Variants in CHDH observed in about 807,000 individuals in gnomAD.
CHDH encodes choline dehydrogenase, mitochondrial.
CHDH carries 43 observed loss-of-function variants against 56.9 expected under a neutral mutation model. The observed-to-expected ratio is 0.76, with a 90% CI of 0.59 to 0.97. CHDH has a LOEUF of 0.97. Ranked by LOEUF, CHDH falls within the 50% of genes least tolerant of loss-of-function variation. CHDH has a pLI of 0.00. For synonymous variants in CHDH, 364 were observed against 348.5 expected, an observed-to-expected ratio of 1.04 and a Z score of -0.50; for missense variants, 816 against 821.1, an observed-to-expected ratio of 0.99 and a Z score of 0.08.
chr3:53,836,250 C>A (rs950954218), intron 2 of CHDH, among the ~76,000 whole-genome samples: 6 of 152,162 alleles, frequency 3.9e-5, no homozygotes, highest in African/African-American at 1.4e-4. Flanking sequence ...TCATGCCACC[C>A]CCAACCCAGG....
Position 53,818,948 on chromosome 3 carries a change from G to C in CHDH, c.1356C>G (p.Tyr452Ter), listed in dbSNP as rs1227078784. ...PQDHPVIQPN[Y>*]LSTETDIEDF... ...AGGTGGGTGAAGTACCTGTTGACAA[G>C]TAGTTGGGCTGGATCACAGGGTGGT... The change falls in exon 8 of 9, where the codon TAC (tyrosine) becomes TAG (stop). Residue 452 changes from tyrosine (Y) to a stop codon, truncating the protein, a stop_gained. Transcript: ENST00000315251. LOFTEE classifies it high-confidence loss of function. 6.2e-7 allele frequency: 1 copy of C among 1,609,516 alleles called. No individual in the cohort carries two copies. Among genetic ancestry groups the C allele is most frequent in the African/African-American group, 1.3e-5 (1 of 74,848 alleles).
At chr3:53,841,534 C>G (rs934362445) in intron 1 of CHDH, among the ~76,000 whole-genome samples, 7 of 152,196 alleles carry the variant, frequency 4.6e-5, no homozygotes, top group African/African-American at 1.7e-4. Context: ...CCCTGCTGGT[C>G]AAAGCACCTT....
chr3:53,823,414 G>A lies in CHDH; in HGVS notation c.595C>T (p.His199Tyr). 2 of 1,594,812 alleles carry A rather than the reference G, an allele frequency of 1.3e-6. No individual in the cohort carries two copies. The highest frequency in any genetic ancestry group is 4.6e-5 in the East Asian group (2 of 43,596). The change falls in exon 3 of 9, where the codon CAC becomes TAC. Residue 199 changes from histidine to tyrosine, a missense_variant. Transcript: ENST00000315251. ...TGCGTGGCCTCCAGGAATGCGCAGTGCAGCGGGTGGTTGGTCTTGCCCCGG... is the reference window on the plus strand; with the variant it reads ...TGCGTGGCCTCCAGGAATGCGCAGTACAGCGGGTGGTTGGTCTTGCCCCGG... The part of the protein sequence containing the change: ...VSRGKTNHPL[H>Y]CAFLEATQQA...
At chr3:53,825,070 GAGA>G (rs1351256372) in intron 2 of CHDH, among the ~76,000 whole-genome samples, 1 of 152,174 alleles carries the variant, frequency 6.6e-6, no homozygotes, top group African/African-American at 2.4e-5. Context: ...CTGGAACACT[GAGA>G]AGAACTCTTC....
chr3:53,823,257 G>T (rs552634339), intron 3 of CHDH, 49 bp downstream of exon 3: 2 of 1,427,022 alleles, frequency 1.4e-6, no homozygotes, highest in African/African-American at 1.5e-5. Flanking sequence ...ATGGGTGGGG[G>T]CTGGGGTAGG....
At chr3:53,823,065 A>G (rs1216816030) in intron 3 of CHDH, among the ~76,000 whole-genome samples, 6 of 152,156 alleles carry the variant, frequency 3.9e-5, no homozygotes, top group Middle Eastern at 3.4e-3. Flanking sequence ...TCTGTTATCC[A>G]CACCAACAGG....
chr3:53,816,228 G>A lies in CHDH; in HGVS notation c.*1549C>T, dbSNP rs1576771331. 6.9e-6 allele frequency: 1 copy of A among 145,518 alleles called. No homozygotes were observed. The highest frequency in any genetic ancestry group is 2.5e-5 in the African/African-American group (1 of 39,364). 9.0% of individuals were successfully genotyped at this position (145,518 alleles called of 1,614,324 possible). Reference sequence around the variant, plus strand: ...CAATTTCCTCCCGTCCTTATTCTGGGCCTAGTATAGCTGCAGGTTTCCACG... The same window carrying A: ...CAATTTCCTCCCGTCCTTATTCTGGACCTAGTATAGCTGCAGGTTTCCACG... On this transcript the variant is annotated 3_prime_UTR_variant, in exon 9 of 9. Transcript: ENST00000315251.
rs1365732034 is a variant in CHDH at position 53,813,404 on chromosome 3, G to A, written c.*4373C>T. The A allele has an allele frequency of 6.6e-6, 1 of 152,232 alleles. No homozygotes were observed. The highest frequency in any genetic ancestry group is 1.5e-5 in the Non-Finnish European group (1 of 68,044). The allele number at this position is 152,232 out of a possible 1,614,324, so 9.4% of individuals were successfully genotyped here. On this transcript the variant is annotated 3_prime_UTR_variant, in exon 9 of 9. Coordinates refer to ENST00000315251, the MANE Select transcript of CHDH (RefSeq NM_018397.5). ...ACAGGGCAGGTACTGTGCCAGGGCA[G>A]CTCTGAAATTATGGATATTCTTATC...
Position 53,823,936 on chromosome 3 carries a change from G to A in CHDH, c.73C>T (p.Leu25=). The stretch of plus-strand genomic sequence containing the variant: ...GCGCTGGCCAGGGCCCGGGCACCCA[G>A]GGATTGCTGCTGCCCCAGGGCTCCC... The part of the protein sequence containing the change: ...ARGALGQQQS[L]GARALASAGS... Residue 25 remains leucine, a synonymous_variant, in exon 3 of 9, where the codon CTG becomes TTG. Coordinates refer to ENST00000315251, the MANE Select transcript of CHDH (RefSeq NM_018397.5). The A allele has an allele frequency of 6.5e-7, 1 of 1,539,884 alleles. No homozygotes were observed. The highest frequency in any genetic ancestry group is 8.7e-7 in the Non-Finnish European group (1 of 1,150,788).
At position 53,823,700 on chromosome 3, in the gene CHDH, G is replaced by A; in HGVS notation, c.309C>T (p.Tyr103=). ...GCACCTCTGTGTGGTAGCACCAGTT[G>A]TACCTGTCGTCGCACAGGTTGGCCA... ...ALVANLCDDR[Y]NWCYHTEVQR... Residue 103 remains tyrosine (Y), a synonymous_variant, in exon 3 of 9, where the codon TAC becomes TAT. Transcript: ENST00000315251. The A allele has an allele frequency of 1.3e-6, 2 of 1,549,982 alleles. No homozygotes were observed. Among genetic ancestry groups the A allele is most frequent in the Non-Finnish European group, 1.7e-6 (2 of 1,147,750 alleles).
chr3:53,830,056 G>A (rs561105490), intron 2 of CHDH, among the ~76,000 whole-genome samples: 1 of 152,184 alleles, frequency 6.6e-6, no homozygotes, highest in East Asian at 1.9e-4. Context: ...CCTATATACT[G>A]AAAACTACAA....
chr3:53,834,615 A>G (rs1190257661), intron 2 of CHDH, among the ~76,000 whole-genome samples: 1 of 152,262 alleles, frequency 6.6e-6, no homozygotes, highest in Non-Finnish European at 1.5e-5. Flanking sequence ...CAAAAGGATC[A>G]TGCCCAGAAG....
intron 2 of CHDH, among the ~76,000 whole-genome samples, chr3:53,838,216 C>T (rs948720747): frequency 6.6e-6 from 1 of 152,196 alleles, no homozygotes; most frequent in Non-Finnish European, 1.5e-5. Context: ...GTCTGTGGAT[C>T]CAGTCTGTGC....
intron 8 of CHDH, among the ~76,000 whole-genome samples, chr3:53,818,696 T>G (rs2095620284): frequency 6.6e-6 from 1 of 152,206 alleles, no homozygotes; most frequent in African/African-American, 2.4e-5. Flanking sequence ...CATGGCAGAT[T>G]GTTCTGAAAG....
intron 2 of CHDH, among the ~76,000 whole-genome samples, chr3:53,835,467 C>T (rs1183437798): frequency 6.6e-6 from 1 of 152,198 alleles, no homozygotes; most frequent in Non-Finnish European, 1.5e-5. Flanking sequence ...TGATGACAGT[C>T]TTTTGGGGAA....
At chr3:53,831,801 T>C (rs1485091644) in intron 2 of CHDH, among the ~76,000 whole-genome samples, 2 of 152,034 alleles carry the variant, frequency 1.3e-5, no homozygotes, top group East Asian at 1.9e-4. Flanking sequence ...TCACTAATCA[T>C]TATGAAACTA....
At chr3:53,838,518 A>G (rs1160995188) in intron 2 of CHDH, among the ~76,000 whole-genome samples, 1 of 152,208 alleles carries the variant, frequency 6.6e-6, no homozygotes, top group Non-Finnish European at 1.5e-5. Context: ...AGCCAGAGGC[A>G]GACCGAGGGG....
intron 2 of CHDH, among the ~76,000 whole-genome samples, chr3:53,832,257 C>T (rs1355703460): frequency 6.6e-6 from 1 of 152,176 alleles, no homozygotes; most frequent in Non-Finnish European, 1.5e-5. Context: ...TAGGGCCGGG[C>T]ATGGTGGCTC....
intron 2 of CHDH, among the ~76,000 whole-genome samples, chr3:53,828,598 ACACCT>A (rs1698232324): frequency 6.6e-6 from 1 of 152,230 alleles, no homozygotes; most frequent in Non-Finnish European, 1.5e-5. Context: ...ACCTTAACAG[ACACCT>A]CACTAAAGAA....
Sources: gnomAD v4.1 joint callset for allele counts (sites outside exome capture counted in the v4.1 genomes callset) on GRCh38, gnomAD v4.1.1 for gene constraint, MANE v1.5 for transcripts, NCBI Gene and HGNC (gene_info 2026-07-23, HGNC 2026-07-21) for gene names.